Variants in KCNK2 observed in about 807,000 individuals in gnomAD.
KCNK2 encodes the protein potassium channel subfamily K member 2.
In KCNK2, 21 loss-of-function variants were observed where a neutral mutation model predicts 40.5. The observed-to-expected ratio is 0.52, with a 90% CI of 0.37 to 0.75. The LOEUF (loss-of-function observed/expected upper bound fraction) is 0.75, where lower values mean the gene tolerates loss of function less well. Ranked by LOEUF, KCNK2 falls within the 30% of genes least tolerant of loss-of-function variation. The probability of loss-of-function intolerance (pLI) is 0.00; values close to 1 mark genes in which losing one functional copy is unlikely to be tolerated. For missense variants in KCNK2, 399 were observed against 531.6 expected, an observed-to-expected ratio of 0.75 and a Z score of 2.45; for synonymous variants, 191 against 202.2, an observed-to-expected ratio of 0.94 and a Z score of 0.47.
chr1:215,180,241 A>G (rs2102647955), intron 5 of KCNK2, among the ~76,000 whole-genome samples: 1 of 152,200 alleles, frequency 6.6e-6, no homozygotes, highest in South Asian at 2.1e-4. Flanking sequence ...CTTTGAGCCT[A>G]AGGATGTCTT....
At chr1:215,054,800 A>G (rs968223778) in intron 1 of KCNK2, among the ~76,000 whole-genome samples, 3 of 152,214 alleles carry the variant, frequency 2.0e-5, no homozygotes, top group Admixed American at 6.5e-5. Context: ...GGCTTGCTCA[A>G]AAAGACTCTT....
intron 3 of KCNK2, among the ~76,000 whole-genome samples, chr1:215,153,079 A>ACTTAATTTCAGTAAAT (rs1662756182): frequency 6.6e-6 from 1 of 152,200 alleles, no homozygotes; most frequent in Non-Finnish European, 1.5e-5. Context: ...TAACTCTGTG[A>ACTTAATTTCAGTAAAT]CTTAATTTCA....
intron 5 of KCNK2, among the ~76,000 whole-genome samples, chr1:215,188,378 G>A (rs1664537229): frequency 1.3e-5 from 2 of 152,008 alleles, no homozygotes; most frequent in African/African-American, 2.4e-5. Flanking sequence ...TTTTACTTGG[G>A]AAGCACACAT....
intron 6 of KCNK2, among the ~76,000 whole-genome samples, chr1:215,225,520 C>G (rs1558148000): frequency 6.6e-6 from 1 of 152,056 alleles, no homozygotes; most frequent in Non-Finnish European, 1.5e-5. Context: ...CTCTTCAGGC[C>G]GTACCAACAC....
At chr1:215,103,179 A>T (rs12086417) in intron 2 of KCNK2, among the ~76,000 whole-genome samples, 26 of 151,744 alleles carry the variant, frequency 1.7e-4, no homozygotes, top group African/African-American at 5.8e-4. Context: ...CGATATAGGG[A>T]GAGAGGAGAT....
intron 6 of KCNK2, among the ~76,000 whole-genome samples, chr1:215,209,307 A>G (rs1665467645): frequency 1.3e-5 from 1 of 77,590 alleles, no homozygotes; most frequent in Admixed American, 2.3e-4. Context: ...TATATATTAT[A>G]TATATGAAAT....
At chr1:215,171,902 TTCTCTCTCTCTCTCTTTG>T in intron 4 of KCNK2, 77 bp from the exon 5 acceptor site, 1 of 787,788 alleles carries the variant, frequency 1.3e-6, no homozygotes, top group South Asian at 2.5e-5. Flanking sequence ...TACAAGTAAT[TTCTCTCTCTCTCTCTTTG>T]TCTCTCTCTC....
chr1:215,164,746 T>C (rs756876765), intron 3 of KCNK2, among the ~76,000 whole-genome samples: 5 of 152,182 alleles, frequency 3.3e-5, no homozygotes, highest in Non-Finnish European at 7.4e-5. Flanking sequence ...GCATGTCTCA[T>C]TCTCTTACAT....
chr1:215,090,961 G>A (rs1486208397), intron 2 of KCNK2, among the ~76,000 whole-genome samples: 1 of 152,126 alleles, frequency 6.6e-6, no homozygotes, highest in Non-Finnish European at 1.5e-5. Context: ...AATGGTGGGT[G>A]TTGAGCCATT....
At chr1:215,049,133 C>A (rs1282982626) in intron 1 of KCNK2, among the ~76,000 whole-genome samples, 1 of 152,170 alleles carries the variant, frequency 6.6e-6, no homozygotes, top group African/African-American at 2.4e-5. Context: ...CCAGTTTCTT[C>A]ACATTTTTGT....
intron 6 of KCNK2, among the ~76,000 whole-genome samples, chr1:215,217,207 A>G (rs138820708): frequency 1.6e-4 from 24 of 152,274 alleles, no homozygotes; most frequent in African/African-American, 5.1e-4. Flanking sequence ...CAATTATTTC[A>G]GAGGATTGCT....
At chr1:215,072,153 A>G (rs1658777300) in intron 1 of KCNK2, among the ~76,000 whole-genome samples, 1 of 152,246 alleles carries the variant, frequency 6.6e-6, no homozygotes, top group African/African-American at 2.4e-5. Context: ...ATGAGTAAAT[A>G]GACCCATTGC....
intron 5 of KCNK2, 127 bp from the exon 6 acceptor site, chr1:215,194,826 T>C: frequency 1.6e-6 from 1 of 611,184 alleles, no homozygotes; most frequent in Non-Finnish European, 2.8e-6. Context: ...ATAATGTAAC[T>C]CCATTGATAA....
chr1:215,011,348 C>T (rs969856618), intron 1 of KCNK2, among the ~76,000 whole-genome samples: 3 of 152,134 alleles, frequency 2.0e-5, no homozygotes, highest in Non-Finnish European at 2.9e-5. Context: ...GGCTGGAGTG[C>T]GGTGGCACTG....
At chr1:215,209,981 TATATATA>T (rs1253783803) in intron 6 of KCNK2, among the ~76,000 whole-genome samples, 2 of 6,598 alleles carry the variant, frequency 3.0e-4, no homozygotes, top group East Asian at 0.012. Flanking sequence ...TTATATATAT[TATATATA>T]ATATATAATA....
intron 5 of KCNK2, among the ~76,000 whole-genome samples, chr1:215,175,291 A>G (rs1157683739): frequency 6.6e-6 from 1 of 152,146 alleles, no homozygotes; most frequent in Non-Finnish European, 1.5e-5. Flanking sequence ...AATTCAGCCC[A>G]TAACAGTGGC....
At chr1:215,173,720 GTGA>G (rs1249162640) in intron 5 of KCNK2, among the ~76,000 whole-genome samples, 1 of 152,230 alleles carries the variant, frequency 6.6e-6, no homozygotes, top group Non-Finnish European at 1.5e-5. Flanking sequence ...CTGATGGCCA[GTGA>G]TGATGAGCAT....
chr1:215,197,845 CAAAA>C (rs1246784906), intron 6 of KCNK2, among the ~76,000 whole-genome samples: 1 of 152,042 alleles, frequency 6.6e-6, no homozygotes, highest in Non-Finnish European at 1.5e-5. Flanking sequence ...ACTAAAAATA[CAAAA>C]ATTAGCTGGG....
chr1:215,167,328 C>T (rs934739587), intron 3 of KCNK2, among the ~76,000 whole-genome samples: 62 of 93,662 alleles, frequency 6.6e-4, no homozygotes, highest in African/African-American at 2.4e-3. Flanking sequence ...AGTAAAGTAA[C>T]AACGACAAAA....
Sources: allele counts gnomAD v4.1 joint callset (sites outside exome capture counted in the v4.1 genomes callset), GRCh38; gene constraint gnomAD v4.1.1; transcripts MANE v1.5; gene names NCBI Gene and HGNC (gene_info 2026-07-23, HGNC 2026-07-21).